The following ARHGEF4 variants were observed in gnomAD, a reference collection of about 807,000 sequenced individuals.
The protein encoded by ARHGEF4 is APC-stimulated guanine nucleotide exchange factor 1.
ARHGEF4 carries 119 observed loss-of-function variants against 162.0 expected under a neutral mutation model. The observed-to-expected ratio is 0.73, with a 90% CI of 0.63 to 0.86. The LOEUF is 0.86. Ranked by LOEUF, ARHGEF4 falls within the 40% of genes least tolerant of loss-of-function variation. The pLI is 0.00. For synonymous variants in ARHGEF4, 1,014 were observed against 979.9 expected (o/e 1.03, Z -0.65); for missense variants, 2,488 against 2,456.0 (o/e 1.01, Z -0.28).
chr2:131,043,328 C>T, intron 10 of ARHGEF4, 124 bp from the exon 11 acceptor site: 2 of 1,342,980 alleles, frequency 1.5e-6, no homozygotes, highest in Non-Finnish European at 2.1e-6. Context: ...CCCACCATGG[C>T]CTGGCCAGGT....
At chr2:130,998,280 G>C (rs1332800981) in intron 4 of ARHGEF4, among the ~76,000 whole-genome samples, 2 of 152,062 alleles carry the variant, frequency 1.3e-5, no homozygotes, top group African/African-American at 4.8e-5. Context: ...GAAGCAGAGA[G>C]TACAGAGTGT....
intron 1 of ARHGEF4, among the ~76,000 whole-genome samples, chr2:130,856,481 C>T (rs891255087): frequency 1.3e-5 from 2 of 152,104 alleles, no homozygotes; most frequent in South Asian, 2.1e-4. Flanking sequence ...GCAAGAAATA[C>T]TAAAGGAAAT....
At position 130,916,453 on chromosome 2, in the gene ARHGEF4, A is replaced by G. The variant is rs1681503832; in HGVS notation, c.2507A>G (p.Asn836Ser). 1.3e-6 allele frequency: 2 copies of G among 1,541,682 alleles called. No homozygotes were observed. The highest frequency in any genetic ancestry group is 2.0e-5 in the Admixed American group (1 of 50,810). The change falls in exon 2 of 14, where the codon AAT (asparagine) becomes AGT (serine). Residue 836 changes from asparagine to serine, a missense_variant. This residue lies in a region of ARHGEF4 where 1,642 missense variants were observed against 1,481.5 expected (regional missense o/e 1.11). Transcript: ENST00000409359. ...GGCCCCGAGGGGCTCCCCAGGGAGA[A>G]TCCGCCCGCTGCGGCCGGTCGGGAC... Reference protein sequence around the residue: ...SSGPEGLPRENPPAAAGRDAP... With the variant: ...SSGPEGLPRESPPAAAGRDAP...
At chr2:130,979,908 C>T (rs1054968729) in intron 4 of ARHGEF4, among the ~76,000 whole-genome samples, 16 of 151,938 alleles carry the variant, frequency 1.1e-4, no homozygotes, top group Non-Finnish European at 1.9e-4. Flanking sequence ...AGAGAGGAAA[C>T]TTTCTCAAAC....
chr2:131,019,289 G>A (rs1157375057), intron 4 of ARHGEF4, among the ~76,000 whole-genome samples: 1 of 152,026 alleles, frequency 6.6e-6, no homozygotes, highest in Non-Finnish European at 1.5e-5. Flanking sequence ...TCACATGCCT[G>A]TAATCCCAGC....
chr2:130,941,634 G>A (rs1355321928), intron 3 of ARHGEF4, among the ~76,000 whole-genome samples: 3 of 152,126 alleles, frequency 2.0e-5, no homozygotes, highest in East Asian at 3.8e-4. Flanking sequence ...AGTATATATA[G>A]TATTGTTGCA....
At chr2:130,945,574 G>A (rs951723775) in intron 3 of ARHGEF4, among the ~76,000 whole-genome samples, 4 of 152,018 alleles carry the variant, frequency 2.6e-5, no homozygotes, top group African/African-American at 9.7e-5. Context: ...GGCTTCTTTT[G>A]GAGTCCTTTA....
chr2:130,970,492 G>C (rs1190393966), intron 4 of ARHGEF4, among the ~76,000 whole-genome samples: 1 of 151,716 alleles, frequency 6.6e-6, no homozygotes, highest in Non-Finnish European at 1.5e-5. Context: ...GGCAGGCTGA[G>C]GCAGGAGAAT....
At chr2:130,848,430 G>A (rs1681153441) in intron 1 of ARHGEF4, among the ~76,000 whole-genome samples, 1 of 152,232 alleles carries the variant, frequency 6.6e-6, no homozygotes. Context: ...TGCAGGCCCT[G>A]GACAGGGGCT....
chr2:130,990,191 G>T (rs1009492607), intron 4 of ARHGEF4, among the ~76,000 whole-genome samples: 1 of 152,134 alleles, frequency 6.6e-6, no homozygotes, highest in Non-Finnish European at 1.5e-5. Flanking sequence ...CAAAATTTAA[G>T]CTTCTTTCTG....
chr2:130,900,470 C>T (rs980710154), intron 1 of ARHGEF4, among the ~76,000 whole-genome samples: 1 of 152,194 alleles, frequency 6.6e-6, no homozygotes, highest in Non-Finnish European at 1.5e-5. Context: ...TCTATGCCCT[C>T]CATTCTGCTG....
chr2:130,839,637 G>A (rs546347009), intron 1 of ARHGEF4, among the ~76,000 whole-genome samples: 16 of 152,278 alleles, frequency 1.1e-4, no homozygotes, highest in Non-Finnish European at 1.9e-4. Context: ...CAGGTGCGCC[G>A]CCTTGGGGGT....
intron 1 of ARHGEF4, among the ~76,000 whole-genome samples, chr2:130,859,451 A>G (rs527529100): frequency 9.1e-5 from 7 of 76,534 alleles, no homozygotes; most frequent in African/African-American, 2.3e-4. Context: ...CAGAATATAC[A>G]TAAACAGTCC....
At chr2:130,933,792 C>T (rs1682779836) in intron 3 of ARHGEF4, among the ~76,000 whole-genome samples, 1 of 152,126 alleles carries the variant, frequency 6.6e-6, no homozygotes, top group Non-Finnish European at 1.5e-5. Flanking sequence ...TGAAACGTTG[C>T]TGAATTCATT....
intron 4 of ARHGEF4, among the ~76,000 whole-genome samples, chr2:130,983,657 AT>A (rs955565009): frequency 5.8e-4 from 86 of 149,406 alleles, no homozygotes; most frequent in East Asian, 2.0e-3. Flanking sequence ...TATTTATTTA[AT>A]TTTTTTTTTG....
chr2:130,892,616 C>T (rs1486610064), intron 1 of ARHGEF4, among the ~76,000 whole-genome samples: 1 of 152,238 alleles, frequency 6.6e-6, no homozygotes, highest in African/African-American at 2.4e-5. Flanking sequence ...CTTAAGACCC[C>T]TTGCCCAAGG....
At position 131,046,483 on chromosome 2, in the gene ARHGEF4, G is replaced by A; in HGVS notation, c.*294G>A. On this transcript the variant is annotated 3_prime_UTR_variant, in exon 14 of 14. Coordinates refer to ENST00000409359, the MANE Select transcript of ARHGEF4 (RefSeq NM_001367493.1). Reference sequence around the variant, plus strand: ...TGTAGGGCCTCACTGCTGGAGCGGGGAAACCGCAGCTCAGCCCAGGCCCAG... The same window carrying A: ...TGTAGGGCCTCACTGCTGGAGCGGGAAAACCGCAGCTCAGCCCAGGCCCAG... The A allele has an allele frequency of 8.5e-6, 3 of 354,226 alleles. No individual in the cohort carries two copies. The highest frequency in any genetic ancestry group is 1.3e-4 in the South Asian group (2 of 15,620). The allele number at this position is 354,226 out of a possible 1,614,324, so 21.9% of individuals were successfully genotyped here. A position where few individuals can be genotyped will look rare whatever the true frequency, so the allele number is the denominator to read the frequency against.
At chr2:130,866,462 CTA>C (rs1411382839) in intron 1 of ARHGEF4, among the ~76,000 whole-genome samples, 1 of 152,182 alleles carries the variant, frequency 6.6e-6, no homozygotes, top group Non-Finnish European at 1.5e-5. Flanking sequence ...TACTTCCATG[CTA>C]TGTTATGTGG....
intron 4 of ARHGEF4, among the ~76,000 whole-genome samples, chr2:130,992,323 C>G (rs183082997): frequency 1.3e-5 from 2 of 151,556 alleles, no homozygotes; most frequent in African/African-American, 2.4e-5. Flanking sequence ...TTTATTCTTT[C>G]GCTCTTTGCA....
Sources: allele counts gnomAD v4.1 joint callset (sites outside exome capture counted in the v4.1 genomes callset), GRCh38; gene constraint gnomAD v4.1.1; regional missense constraint gnomAD v4.1.1; transcripts MANE v1.5; gene names NCBI Gene and HGNC (gene_info 2026-07-23, HGNC 2026-07-21).